The following ADCY10 variants were observed in gnomAD, a reference collection of about 807,000 sequenced individuals.
The protein encoded by ADCY10 is adenylate cyclase type 10.
A neutral mutation model predicts 183.3 loss-of-function variants in ADCY10; 156 were observed. The ratio of observed to expected loss-of-function variants is 0.85; its 90% CI spans 0.75 to 0.97. The LOEUF (loss-of-function observed/expected upper bound fraction) is 0.97. Among genes scored for constraint, ADCY10 ranks in the 50% least tolerant of loss-of-function variants. The probability of loss-of-function intolerance (pLI) is 0.00; values close to 1 mark genes in which losing one functional copy is unlikely to be tolerated. For missense variants in ADCY10, 1,745 were observed against 1,934.3 expected (o/e 0.90, Z 1.84); for synonymous variants, 645 against 670.0 (o/e 0.96, Z 0.58).
chr1:167,822,094 A>G lies in ADCY10; in HGVS notation c.4216T>C (p.Tyr1406His), dbSNP rs781277868. ...AACTTGAGGATTCTGTTGTTTTCGT[A>G]TTGGTGTATGAATTCCAAACATTCT... is the stretch of plus-strand genomic sequence containing the variant. ...FEECLEFIHQ[Y>H]ENNRILKFHS... is the part of the protein sequence containing the mutation. The change falls in exon 30 of 33, where the codon TAC becomes CAC. Residue 1406 changes from tyrosine to histidine, a missense_variant. Tyr to His is a moderately conservative substitution (Grantham distance 83). Transcript: ENST00000367851. 6 of 1,610,366 alleles carry G rather than the reference A, an allele frequency of 3.7e-6. No individual in the cohort carries two copies. Among genetic ancestry groups the G allele is most frequent in the Non-Finnish European group, 4.2e-6 (5 of 1,176,602 alleles).
chr1:167,911,467 T>C (rs1201583377), intron 1 of ADCY10, among the ~76,000 whole-genome samples: 2 of 152,258 alleles, frequency 1.3e-5, no homozygotes, highest in Non-Finnish European at 2.9e-5. Flanking sequence ...TATTTAAAAG[T>C]ATTTTTACTT....
chr1:167,904,526 T>C, intron 2 of ADCY10: 2 of 296,084 alleles, frequency 6.8e-6, no homozygotes, highest in Non-Finnish European at 1.2e-5. Flanking sequence ...AATTCTCAAC[T>C]GTACAGTGAT....
At chr1:167,910,438 G>C (rs969695135) in intron 1 of ADCY10, among the ~76,000 whole-genome samples, 7 of 152,124 alleles carry the variant, frequency 4.6e-5, no homozygotes, top group African/African-American at 1.4e-4. Flanking sequence ...TCAAATATTT[G>C]GGCTGAACTG....
chr1:167,901,519 T>G, intron 5 of ADCY10, 143 bp downstream of exon 5: 1 of 877,022 alleles, frequency 1.1e-6, no homozygotes, highest in Non-Finnish European at 1.9e-6. Context: ...AAATTCACAT[T>G]CTGATTGTCC....
intron 21 of ADCY10, among the ~76,000 whole-genome samples, chr1:167,839,812 G>A (rs1224108373): frequency 1.3e-5 from 2 of 152,142 alleles, no homozygotes; most frequent in Non-Finnish European, 2.9e-5. Flanking sequence ...CCTGGCACAT[G>A]GTAGACGCTT....
Position 167,867,582 on chromosome 1 carries a change from G to A in ADCY10, c.1616+2675C>T, listed in dbSNP as rs539561773. Among the ~76,000 whole-genome samples the A allele has an allele frequency of 6.6e-5, 10 of 152,254 alleles. No individual in the cohort carries two copies. In the South Asian group the frequency reaches 2.1e-3, roughly 32 times the overall value. ...CTAGGAAATAACCAACCTGATGTGT[G>A]TTATGACCCATTTTAAGCCTCCAAT... is the stretch of plus-strand genomic sequence containing the variant. On this transcript the variant is annotated intron_variant, in intron 14 of 32. Coordinates refer to ENST00000367851, the MANE Select transcript of ADCY10 (RefSeq NM_018417.6).
intron 8 of ADCY10, among the ~76,000 whole-genome samples, chr1:167,889,099 G>A (rs1054165855): frequency 1.3e-5 from 2 of 152,040 alleles, no homozygotes; most frequent in African/African-American, 2.4e-5. Context: ...GATTACATAG[G>A]ACTTCCAGTA....
Position 167,899,344 on chromosome 1 carries a change from C to G in ADCY10, c.642+79G>C. 4 of 1,402,142 alleles carry G rather than the reference C, an allele frequency of 2.9e-6. No homozygotes were observed. In the South Asian group the frequency reaches 4.7e-5, roughly 16 times the overall value. The allele number at this position is 1,402,142 out of a possible 1,614,324, so 86.9% of individuals were successfully genotyped here. On this transcript the variant is annotated intron_variant, in intron 6 of 32. Transcript: ENST00000367851. Reference sequence around the variant, plus strand: ...CAGCCCAGGAGCTTTATGAAACCAGCGTGCCCAGTGACTCTTCTGGCAGGG... The same window carrying G: ...CAGCCCAGGAGCTTTATGAAACCAGGGTGCCCAGTGACTCTTCTGGCAGGG...
chr1:167,819,247 A>ATTTT (rs11454786), intron 30 of ADCY10, among the ~76,000 whole-genome samples: 44 of 128,326 alleles, frequency 3.4e-4, no homozygotes, highest in South Asian at 5.0e-4. Context: ...AGAAAATCCG[A>ATTTT]TTTTTTTTTT....
At chr1:167,874,826 T>G (rs905538266) in intron 13 of ADCY10, among the ~76,000 whole-genome samples, 1 of 152,208 alleles carries the variant, frequency 6.6e-6, no homozygotes, top group Non-Finnish European at 1.5e-5. Flanking sequence ...ATGGATGAAT[T>G]ATATAACATA....
chr1:167,908,076 A>T (rs1231823182), intron 1 of ADCY10, among the ~76,000 whole-genome samples: 1 of 152,252 alleles, frequency 6.6e-6, no homozygotes, highest in Non-Finnish European at 1.5e-5. Context: ...TACCCAAAGG[A>T]ATTGAAATCA....
Position 167,899,410 on chromosome 1 carries a change from G to T in ADCY10, c.642+13C>A. On this transcript the variant is annotated intron_variant, in intron 6 of 32. Coordinates refer to ENST00000367851, the MANE Select transcript of ADCY10 (RefSeq NM_018417.6). The stretch of plus-strand genomic sequence containing the variant: ...CTGGCAGAACTTTCTGTAAGTAGCA[G>T]CATCACACCCACCTTAACTGCTCTC... The T allele has an allele frequency of 1.2e-6, 2 of 1,613,640 alleles. No individual in the cohort carries two copies. The highest frequency in any genetic ancestry group is 1.7e-6 in the Non-Finnish European group (2 of 1,179,522).
intron 6 of ADCY10, 52 bp from the exon 7 acceptor site, chr1:167,896,743 C>G: frequency 7.9e-7 from 1 of 1,261,324 alleles, no homozygotes; most frequent in Non-Finnish European, 1.2e-6. Context: ...CTGTTTAATC[C>G]TTTGAAGTGT....
At chr1:167,824,882 G>A (rs1663169101) in intron 26 of ADCY10, 27 bp from the exon 27 acceptor site, 1 of 1,601,272 alleles carries the variant, frequency 6.2e-7, no homozygotes, top group African/African-American at 1.3e-5. Flanking sequence ...GAGGAAGAGT[G>A]AGGCAGAACG....
intron 15 of ADCY10, 90 bp downstream of exon 15, chr1:167,860,776 ACAGAC>A (rs1666227947): frequency 9.5e-7 from 1 of 1,053,480 alleles, no homozygotes; most frequent in Admixed American, 1.7e-5. Flanking sequence ...CTGCAGATAT[ACAGAC>A]CAAAGAGATG....
chr1:167,864,812 C>T (rs757196249), intron 14 of ADCY10, among the ~76,000 whole-genome samples: 19 of 151,642 alleles, frequency 1.3e-4, no homozygotes, highest in Non-Finnish European at 1.8e-4. Flanking sequence ...GCACTGAGGC[C>T]TTCCTATCAA....
At chr1:167,821,992 T>G (rs371891859) in intron 30 of ADCY10, 32 bp downstream of exon 30, 1 of 1,393,742 alleles carries the variant, frequency 7.2e-7, no homozygotes, top group Non-Finnish European at 1.0e-6. Flanking sequence ...ATTTTCACTT[T>G]GGGAATTTAG....
chr1:167,878,503 A>G lies in ADCY10; in HGVS notation c.1349T>C (p.Met450Thr). Reference sequence around the variant, plus strand: ...TGGTCCAGAATCTGCAACACCTTTCATAACTTTCTTTGGAAGCTCTTTAAA... The same window carrying G: ...TGGTCCAGAATCTGCAACACCTTTCGTAACTTTCTTTGGAAGCTCTTTAAA... ...YFFKELPKKVMKGVADSGPLY... is the reference protein window; with the variant it reads ...YFFKELPKKVTKGVADSGPLY... Residue 450 changes from methionine (M) to threonine (T), a missense_variant, in exon 12 of 33, where the codon ATG (methionine) becomes ACG (threonine). By Grantham distance (81) the Met-to-Thr change is moderately conservative. Transcript: ENST00000367851. 1 of 1,614,192 alleles carries G rather than the reference A, an allele frequency of 6.2e-7. No homozygotes were observed. The highest frequency in any genetic ancestry group is 8.5e-7 in the Non-Finnish European group (1 of 1,180,026).
In ADCY10 at chr1:167,893,695, CAAAAAAAA is replaced by C. The variant is rs748872658; in HGVS notation, c.828+150_828+157del. 1.3e-4 allele frequency among the ~76,000 whole-genome samples: 9 copies of C among 70,194 alleles called. No individual in the cohort carries two copies. The South Asian group carries it at 5.4e-3, about 42-fold the overall frequency. The allele number at this position is 70,194 out of a possible 152,430, so 46.0% of individuals were successfully genotyped here. ...TGGGTGACAGAGTGAGACTCTGTCT[CAAAAAAAA>C]AAAAAAAAAAAAAAAAGGAAGTCTT... On this transcript the variant is annotated intron_variant, in intron 8 of 32. Coordinates refer to ENST00000367851, the MANE Select transcript of ADCY10 (RefSeq NM_018417.6).
Sources: allele counts gnomAD v4.1 joint callset (sites outside exome capture counted in the v4.1 genomes callset), GRCh38; gene constraint gnomAD v4.1.1; transcripts MANE v1.5; gene names NCBI Gene and HGNC (gene_info 2026-07-23, HGNC 2026-07-21).